The following GJC1 variants were observed in gnomAD, a reference collection of about 807,000 sequenced individuals.
GJC1 encodes gap junction protein gamma 1, also known as gap junction gamma-1 protein.
GJC1 carries 5 observed loss-of-function variants against 29.3 expected under a neutral mutation model. The ratio of observed to expected loss-of-function variants is 0.17; its 90% CI spans 0.09 to 0.36. The LOEUF (loss-of-function observed/expected upper bound fraction) is 0.36. GJC1 is among the 10% of genes least tolerant of loss of function. The pLI is 1.00. For synonymous variants in GJC1, 177 were observed against 183.3 expected, an observed-to-expected ratio of 0.97 and a Z score of 0.28; for missense variants, 310 against 496.2, an observed-to-expected ratio of 0.62 and a Z score of 3.56.
In GJC1 at chr17:44,822,583, C is replaced by CAGTGA. The variant is rs376458728; in HGVS notation, c.-97+7474_-97+7478dup. On this transcript the variant is annotated intron_variant, in intron 1 of 2. Coordinates refer to ENST00000592524, the MANE Select transcript of GJC1 (RefSeq NM_005497.4). Reference sequence around the variant, plus strand: ...GCCTGAAACCGGGAGGCAGAGGTTGCAGTGAACCAAGATCATGCCATTGCA... The same window carrying CAGTGA: ...GCCTGAAACCGGGAGGCAGAGGTTGCAGTGAAGTGAACCAAGATCATGCCATTGCA... 9.5e-3 allele frequency among the ~76,000 whole-genome samples: 1,293 copies of CAGTGA among 136,058 alleles called. 13 individuals carry two copies. Among genetic ancestry groups the CAGTGA allele is most frequent in the African/African-American group, 0.034 (1,221 of 36,102 alleles). 89.3% of individuals were successfully genotyped at this position (136,058 alleles called of 152,430 possible). A position where few individuals can be genotyped will look rare whatever the true frequency, so the allele number is the denominator to read the frequency against.
Position 44,819,764 on chromosome 17 carries a change from G to GT in GJC1, c.-97+10297dup, listed in dbSNP as rs995818830. On this transcript the variant is annotated intron_variant, in intron 1 of 2. Transcript: ENST00000592524. Reference sequence around the variant, plus strand: ...ATATTCCATAGTATGTACATACCACGTTTTTTTTATCCATTCATCTGTTGA... The same window carrying GT: ...ATATTCCATAGTATGTACATACCACGTTTTTTTTTATCCATTCATCTGTTGA... Among the ~76,000 whole-genome samples the GT allele has an allele frequency of 3.3e-5, 5 of 151,884 alleles. No individual in the cohort carries two copies. The South Asian group carries it at 6.2e-4, about 19-fold the overall frequency.
chr17:44,809,254 C>CT (rs1427474141), intron 1 of GJC1, among the ~76,000 whole-genome samples: 2 of 152,178 alleles, frequency 1.3e-5, no homozygotes, highest in Non-Finnish European at 2.9e-5. Context: ...GAGGGAGACT[C>CT]TAACACAATA....
At chr17:44,813,505 T>G (rs979795352) in intron 1 of GJC1, among the ~76,000 whole-genome samples, 6 of 128,156 alleles carry the variant, frequency 4.7e-5, no homozygotes, top group Non-Finnish European at 8.3e-5. Context: ...TTTTTTTTTT[T>G]TTTTGAGACA....
At chr17:44,808,522 G>C (rs114058093) in intron 1 of GJC1, among the ~76,000 whole-genome samples, 2 of 151,980 alleles carry the variant, frequency 1.3e-5, no homozygotes, top group Admixed American at 6.6e-5. Flanking sequence ...AGGCCAAGGT[G>C]GGGGGATCAC....
chr17:44,825,767 T>A (rs371043370), intron 1 of GJC1, among the ~76,000 whole-genome samples: 33 of 141,028 alleles, frequency 2.3e-4, no homozygotes, highest in African/African-American at 8.1e-4. Flanking sequence ...AGAGTGAGAC[T>A]CAGTCTCAAA....
At chr17:44,816,255 G>A (rs181678997) in intron 1 of GJC1, among the ~76,000 whole-genome samples, 6 of 151,870 alleles carry the variant, frequency 4.0e-5, no homozygotes, top group African/African-American at 1.2e-4. Context: ...AATCAAGTTT[G>A]CTTATATAAC....
intron 1 of GJC1, among the ~76,000 whole-genome samples, chr17:44,815,686 T>C (rs2050033687): frequency 6.6e-6 from 1 of 152,182 alleles, no homozygotes; most frequent in African/African-American, 2.4e-5. Context: ...TACCTATTTG[T>C]CTATAAAAGG....
At chr17:44,817,802 G>A (rs2050060196) in intron 1 of GJC1, among the ~76,000 whole-genome samples, 1 of 151,952 alleles carries the variant, frequency 6.6e-6, no homozygotes, top group African/African-American at 2.4e-5. Flanking sequence ...AGGCAGTCTT[G>A]CACTGGAGTT....
intron 1 of GJC1, among the ~76,000 whole-genome samples, chr17:44,821,467 G>A (rs1378988740): frequency 6.6e-6 from 1 of 152,016 alleles, no homozygotes; most frequent in African/African-American, 2.4e-5. Context: ...GGAGGCTGAG[G>A]CAGGCGGATC....
intron 1 of GJC1, among the ~76,000 whole-genome samples, chr17:44,826,026 T>C (rs1773029523): frequency 6.6e-6 from 1 of 151,988 alleles, no homozygotes; most frequent in African/African-American, 2.4e-5. Context: ...GTTCAAGCCA[T>C]TTGCCTGCCT....
At position 44,803,040 on chromosome 17, in the gene GJC1, G is replaced by A. The variant is rs1330712597; in HGVS notation, c.*1587C>T. On this transcript the variant is annotated 3_prime_UTR_variant, in exon 3 of 3. Transcript: ENST00000592524. ...CCTTAAGTTTCTTTTTTTTGGTGGG[G>A]GTAGGAATGCAGTAGAGAAACAAAA... The A allele has an allele frequency of 1.3e-5, 2 of 152,016 alleles. No homozygotes were observed. Among genetic ancestry groups the A allele is most frequent in the Non-Finnish European group, 2.9e-5 (2 of 68,028 alleles). 9.4% of individuals were successfully genotyped at this position (152,016 alleles called of 1,614,324 possible).
At chr17:44,808,082 A>T (rs1300653911) in intron 1 of GJC1, among the ~76,000 whole-genome samples, 5 of 152,204 alleles carry the variant, frequency 3.3e-5, no homozygotes, top group Admixed American at 6.5e-5. Flanking sequence ...CTCATTATTA[A>T]GCTCTGGCAA....
chr17:44,795,224 G>A (rs568433510), downstream of GJC1: 3 of 152,230 alleles, frequency 2.0e-5, no homozygotes, highest in Non-Finnish European at 2.9e-5. Flanking sequence ...AGTGCTAAAT[G>A]CGTATTTTAT....
intron 1 of GJC1, among the ~76,000 whole-genome samples, chr17:44,821,999 C>G (rs571760297): frequency 1.3e-5 from 2 of 151,040 alleles, no homozygotes; most frequent in African/African-American, 4.9e-5. Flanking sequence ...AGATCAAGAC[C>G]ATCCTGGCTA....
At chr17:44,818,516 A>T (rs1175282677) in intron 1 of GJC1, among the ~76,000 whole-genome samples, 2 of 151,758 alleles carry the variant, frequency 1.3e-5, no homozygotes, top group African/African-American at 4.8e-5. Flanking sequence ...GTTAAAAAAA[A>T]AAAAAAAGGC....
At chr17:44,814,903 C>G (rs1475326174) in intron 1 of GJC1, among the ~76,000 whole-genome samples, 1 of 151,580 alleles carries the variant, frequency 6.6e-6, no homozygotes, top group Non-Finnish European at 1.5e-5. Context: ...GAAGGCACCA[C>G]TTCACTCAAG....
intron 1 of GJC1, among the ~76,000 whole-genome samples, chr17:44,826,420 C>T (rs1015342036): frequency 1.3e-5 from 2 of 151,642 alleles, no homozygotes; most frequent in African/African-American, 4.9e-5. Flanking sequence ...GTCCCAGCTA[C>T]ACAGGAGGCT....
chr17:44,814,792 A>C (rs770101783), intron 1 of GJC1, among the ~76,000 whole-genome samples: 33 of 151,948 alleles, frequency 2.2e-4, no homozygotes, highest in Non-Finnish European at 3.8e-4. Flanking sequence ...AAAATACAAA[A>C]ATTAGCTGGG....
intron 1 of GJC1, among the ~76,000 whole-genome samples, chr17:44,809,272 C>T (rs1761503695): frequency 6.6e-6 from 1 of 152,140 alleles, no homozygotes; most frequent in South Asian, 2.1e-4. Flanking sequence ...ATAAAATTTC[C>T]AGTACAGCTC....
Sources: gnomAD v4.1 joint callset for allele counts (sites outside exome capture counted in the v4.1 genomes callset) on GRCh38, gnomAD v4.1.1 for gene constraint, MANE v1.5 for transcripts, NCBI Gene and HGNC (gene_info 2026-07-23, HGNC 2026-07-21) for gene names.